Variants in LRRK2 observed in about 807,000 individuals in gnomAD.
The protein encoded by LRRK2 is leucine-rich repeat serine/threonine-protein kinase 2.
In LRRK2, 203 loss-of-function variants were observed where a neutral mutation model predicts 302.6. The ratio of observed to expected loss-of-function variants is 0.67; its 90% CI spans 0.60 to 0.75. The LOEUF is 0.75. Ranked by LOEUF, LRRK2 falls within the 30% of genes least tolerant of loss-of-function variation. LRRK2 has a pLI of 0.00. For synonymous variants in LRRK2, 1,066 were observed against 1,031.9 expected (o/e 1.03, Z -0.63); for missense variants, 2,830 against 2,951.0 (o/e 0.96, Z 0.95).
At chr12:40,299,299 A>G (rs1944530725) in intron 25 of LRRK2, 42 bp downstream of exon 25, 1 of 1,607,938 alleles carries the variant, frequency 6.2e-7, no homozygotes, top group Non-Finnish European at 8.5e-7. Context: ...AGGCCCTCTA[A>G]GTTGTACAAG....
In LRRK2 at chr12:40,235,708, AC is replaced by A; in HGVS notation, c.431del (p.Thr144IlefsTer8). ...ACTGAAGACCTTAGATCTCCTCCTA[AC>A]TTCAGGTAATATGTGTATATGTTTT... is the stretch of plus-strand genomic sequence containing the variant. ...IGLKTLDLLL[T>X]SGKITLLILD... On this transcript the variant is annotated frameshift_variant, in exon 4 of 51. Transcript: ENST00000298910. LOFTEE classifies it high-confidence loss of function. 1 of 1,576,438 alleles carries A rather than the reference AC, an allele frequency of 6.3e-7. No individual in the cohort carries two copies. The highest frequency in any genetic ancestry group is 1.3e-5 in the African/African-American group (1 of 74,124).
intron 18 of LRRK2, among the ~76,000 whole-genome samples, chr12:40,281,077 A>AC (rs1392190337): frequency 6.6e-6 from 1 of 151,688 alleles, no homozygotes; most frequent in South Asian, 2.1e-4. Context: ...CAAAAAAAAA[A>AC]AAAACAAAAA....
chr12:40,298,133 T>A, intron 23 of LRRK2, 110 bp from the exon 24 acceptor site: 1 of 1,155,050 alleles, frequency 8.7e-7, no homozygotes, highest in South Asian at 1.4e-5. Flanking sequence ...TTCAACTTTT[T>A]GAAAATTCTT....
intron 2 of LRRK2, among the ~76,000 whole-genome samples, chr12:40,230,658 T>A (rs1271794256): frequency 1.3e-5 from 2 of 149,682 alleles, no homozygotes; most frequent in Non-Finnish European, 3.0e-5. Flanking sequence ...GGTACATATA[T>A]GCACTTTCTC....
At chr12:40,348,796 A>C (rs1437155285) in intron 43 of LRRK2, among the ~76,000 whole-genome samples, 3 of 151,940 alleles carry the variant, frequency 2.0e-5, no homozygotes, top group African/African-American at 7.2e-5. Flanking sequence ...ATCAAATCAG[A>C]AAAAAATTTT....
intron 20 of LRRK2, among the ~76,000 whole-genome samples, chr12:40,291,431 A>AATATATAT (rs57902292): frequency 0.074 from 10,880 of 146,150 alleles, 573 homozygotes; most frequent in Non-Finnish European, 0.099. Flanking sequence ...AGTATAATAA[A>AATATATAT]ATATATATAT....
rs1485715779 is a variant in LRRK2, at chr12:40,335,164, A to G, written c.5948+7A>G. ...ACGTAGCTGATGGTTTGAGGTAAGTAGGTCATGTTGTTTTCTATTCAGTGC... is the reference window on the plus strand; with the variant it reads ...ACGTAGCTGATGGTTTGAGGTAAGTGGGTCATGTTGTTTTCTATTCAGTGC... On this transcript the variant is annotated splice_region_variant and intron_variant, in intron 40 of 50. Transcript: ENST00000298910. The G allele has an allele frequency of 6.2e-7, 1 of 1,613,820 alleles. No homozygotes were observed. Among genetic ancestry groups the G allele is most frequent in the Non-Finnish European group, 8.5e-7 (1 of 1,179,914 alleles).
At chr12:40,283,729 A>T in intron 18 of LRRK2, 146 bp from the exon 19 acceptor site, 1 of 649,818 alleles carries the variant, frequency 1.5e-6, no homozygotes, top group Non-Finnish European at 2.6e-6. Context: ...TTCCCAATCT[A>T]TTCAAGGATC....
intron 25 of LRRK2, among the ~76,000 whole-genome samples, chr12:40,300,635 C>G (rs997207535): frequency 1.4e-4 from 21 of 152,140 alleles, no homozygotes; most frequent in African/African-American, 5.1e-4. Context: ...ATATTGGCCA[C>G]TTTCCAACCA....
chr12:40,337,259 A>C (rs1945899287), intron 40 of LRRK2, among the ~76,000 whole-genome samples: 1 of 152,210 alleles, frequency 6.6e-6, no homozygotes, highest in Non-Finnish European at 1.5e-5. Flanking sequence ...AGCTGTTTAG[A>C]GTGACATACA....
chr12:40,295,304 T>C, intron 22 of LRRK2, 123 bp from the exon 23 acceptor site: 1 of 884,506 alleles, frequency 1.1e-6, no homozygotes, highest in South Asian at 1.5e-5. Flanking sequence ...ATAGTTTGGT[T>C]TTCTACTGAA....
intron 13 of LRRK2, among the ~76,000 whole-genome samples, chr12:40,261,524 T>A (rs1942775003): frequency 6.6e-6 from 1 of 152,236 alleles, no homozygotes; most frequent in African/African-American, 2.4e-5. Flanking sequence ...GTAAGTACAT[T>A]CTTCTAGTAG....
chr12:40,320,217 A>G (rs1945358391), intron 34 of LRRK2, 42 bp downstream of exon 34: 2 of 1,471,736 alleles, frequency 1.4e-6, no homozygotes, highest in African/African-American at 1.4e-5. Flanking sequence ...ATGGAAATTC[A>G]CTATCTATTC....
At chr12:40,260,406 G>A (rs895723243) in intron 13 of LRRK2, among the ~76,000 whole-genome samples, 4 of 151,400 alleles carry the variant, frequency 2.6e-5, no homozygotes, top group Non-Finnish European at 5.9e-5. Flanking sequence ...GAGGTGGAAG[G>A]GTAGATAGAG....
chr12:40,259,362 A>G, intron 12 of LRRK2, 118 bp from the exon 13 acceptor site: 1 of 1,283,116 alleles, frequency 7.8e-7, no homozygotes, highest in Non-Finnish European at 1.1e-6. Context: ...ATGCATTTTC[A>G]TATAGTCTTT....
rs553867554 is a variant in LRRK2 at position 40,316,422 on chromosome 12, G to A, written c.4827+1122G>A. On this transcript the variant is annotated intron_variant, in intron 33 of 50. Transcript: ENST00000298910. ...TATTTTGGTAGGTATTTTTAAATTA[G>A]ATTTTCAGCCTTCTGCACATATGTC... The A allele has an allele frequency of 3.0e-5, 24 of 793,594 alleles. No individual in the cohort carries two copies. In the African/African-American group the frequency reaches 3.7e-4, roughly 12 times the overall value. The allele number at this position is 793,594 out of a possible 1,614,324, so 49.2% of individuals were successfully genotyped here.
At position 40,274,646 on chromosome 12, in the gene LRRK2, C is replaced by T. The variant is rs1171334268; in HGVS notation, c.1720C>T (p.Pro574Ser). 2.4e-5 allele frequency: 38 copies of T among 1,613,702 alleles called. No homozygotes were observed. Among genetic ancestry groups the T allele is most frequent in the Non-Finnish European group, 3.1e-5 (37 of 1,179,864 alleles). ...AGTAATTTCTTCTATTGTACATTTT[C>T]CTGATGCATTAGAGATGTTATCCCT... Reference protein sequence around the residue: ...LKVISSIVHFPDALEMLSLEG... With the variant: ...LKVISSIVHFSDALEMLSLEG... Residue 574 changes from proline (P) to serine (S), a missense_variant, in exon 15 of 51, where the codon CCT becomes TCT. By Grantham distance (74) the Pro-to-Ser change is moderately conservative (BLOSUM62 -1). Around this residue, in one of 3 missense-constraint regions of LRRK2, gnomAD observed 2,121 missense variants for 2,148.0 expected, o/e 0.99. Coordinates refer to ENST00000298910, the MANE Select transcript of LRRK2 (RefSeq NM_198578.4).
At chr12:40,300,420 C>T (rs1944580683) in intron 25 of LRRK2, among the ~76,000 whole-genome samples, 1 of 152,250 alleles carries the variant, frequency 6.6e-6, no homozygotes, top group East Asian at 1.9e-4. Context: ...AGAGAATACT[C>T]ACATCTTGCC....
At chr12:40,249,759 G>C (rs1007824632) in intron 7 of LRRK2, 67 bp from the exon 8 acceptor site, 12 of 1,536,836 alleles carry the variant, frequency 7.8e-6, no homozygotes, top group Middle Eastern at 1.7e-4. Context: ...TGTAAATAGT[G>C]TTATATGTTA....
Sources: allele counts gnomAD v4.1 joint callset (sites outside exome capture counted in the v4.1 genomes callset), GRCh38; gene constraint gnomAD v4.1.1; regional missense constraint gnomAD v4.1.1; transcripts MANE v1.5; gene names NCBI Gene and HGNC (gene_info 2026-07-23, HGNC 2026-07-21).